TMEM145: variants seen among roughly 807,000 people sequenced by gnomAD.
The protein encoded by TMEM145 is transmembrane protein 145.
Under a neutral mutation model 68.5 loss-of-function variants are expected in TMEM145, and 46 were observed. The observed-to-expected ratio is 0.67, with a 90% CI of 0.53 to 0.86. TMEM145 has a LOEUF of 0.86. Among genes scored for constraint, TMEM145 ranks in the 40% least tolerant of loss-of-function variants. The pLI, the probability that TMEM145 is intolerant of heterozygous loss-of-function variation, is 0.00. For synonymous variants in TMEM145, 255 were observed against 280.2 expected (o/e 0.91, Z 0.90); for missense variants, 570 against 645.8 (o/e 0.88, Z 1.27).
chr19:42,315,753 T>G (rs1407697288), intron 8 of TMEM145, among the ~76,000 whole-genome samples: 1 of 151,466 alleles, frequency 6.6e-6, no homozygotes, highest in South Asian at 2.1e-4. Context: ...GGAACTAGGC[T>G]GGACACGGTG....
Position 42,314,436 on chromosome 19 carries a change from A to G in TMEM145, c.196-15A>G, listed in dbSNP as rs754807784. 1 of 1,613,988 alleles carries G rather than the reference A, an allele frequency of 6.2e-7. No homozygotes were observed. Among genetic ancestry groups the G allele is most frequent in the African/African-American group, 1.3e-5 (1 of 74,890 alleles). On this transcript the variant is annotated splice_polypyrimidine_tract_variant and intron_variant, in intron 2 of 14. Transcript: ENST00000301204. ...GCTGCCCCAGCTCCCGGTCCCCAAC[A>G]TCTCTGGTCTGCAGGCCAAGTGCTG...
chr19:42,316,562 G>A lies in TMEM145; in HGVS notation c.727+1G>A. 6.2e-7 allele frequency: 1 copy of A among 1,613,656 alleles called. No homozygotes were observed. The highest frequency in any genetic ancestry group is 1.3e-5 in the African/African-American group (1 of 74,850). ...GGCAACGAGAGTGTGAAGATCTTGG[G>A]TGAGAATGAAGCTGGGTGGGGAGAG... On this transcript the variant is annotated splice_donor_variant, in intron 9 of 14. Transcript: ENST00000301204. LOFTEE classifies it high-confidence loss of function.
Position 42,315,183 on chromosome 19 carries a change from G to A in TMEM145, c.506-5G>A, listed in dbSNP as rs764545824. 3.7e-6 allele frequency: 6 copies of A among 1,611,360 alleles called. No individual in the cohort carries two copies. The highest frequency in any genetic ancestry group is 1.3e-5 in the African/African-American group (1 of 74,958). On this transcript the variant is annotated splice_region_variant and splice_polypyrimidine_tract_variant and intron_variant, in intron 6 of 14. Coordinates refer to ENST00000301204, the MANE Select transcript of TMEM145 (RefSeq NM_173633.3). Reference sequence around the variant, plus strand: ...TGAACCTTACTCCTCCTACCAAATCGGCAGGGATCCTGGAGACAGATGTGA... The same window carrying A: ...TGAACCTTACTCCTCCTACCAAATCAGCAGGGATCCTGGAGACAGATGTGA...
At chr19:42,321,381 A>T in intron 13 of TMEM145, 1 of 332,646 alleles carries the variant, frequency 3.0e-6, no homozygotes, top group Non-Finnish European at 5.3e-6. Flanking sequence ...ATGCCCGGTT[A>T]AGTGGTTTTT....
At position 42,324,886 on chromosome 19, in the gene TMEM145, AC is replaced by A; in HGVS notation, c.*73del. The A allele has an allele frequency of 7.2e-7, 1 of 1,397,488 alleles. No individual in the cohort carries two copies. The highest frequency in any genetic ancestry group is 9.3e-7 in the Non-Finnish European group (1 of 1,077,026). The allele number at this position is 1,397,488 out of a possible 1,614,324, so 86.6% of individuals were successfully genotyped here. ...GCCTGTGACTCTCCAGGACTCTGCG[AC>A]CCCGGGATGGATATTGCGATGCTGG... On this transcript the variant is annotated 3_prime_UTR_variant, in exon 15 of 15. Coordinates refer to ENST00000301204, the MANE Select transcript of TMEM145 (RefSeq NM_173633.3).
rs773733094 is a variant in TMEM145 at position 42,320,420 on chromosome 19, G to A, written c.1177G>A (p.Ala393Thr). 19 of 1,613,900 alleles carry A rather than the reference G, an allele frequency of 1.2e-5. No individual in the cohort carries two copies. Among genetic ancestry groups the A allele is most frequent in the African/African-American group, 4.0e-5 (3 of 74,912 alleles). The change falls in exon 13 of 15, where the codon GCC becomes ACC. Residue 393 changes from alanine to threonine, a missense_variant. Ala to Thr is a moderately conservative substitution (Grantham distance 58). Transcript: ENST00000301204. Reference sequence around the variant, plus strand: ...CATCCAGCTGGGGATCCACTTGTACGCCCATGGCGTGTTTCTGGTGAGGAT... The same window carrying A: ...CATCCAGCTGGGGATCCACTTGTACACCCATGGCGTGTTTCTGGTGAGGAT... ...NGIQLGIHLY[A>T]HGVFLIMTRP... is the part of the protein sequence containing the mutation.
rs754410241 is a variant in TMEM145, at chr19:42,323,636, G to C, written c.1248G>C (p.Thr416=). 2 of 1,614,054 alleles carry C rather than the reference G, an allele frequency of 1.2e-6. No homozygotes were observed. Reference sequence around the variant, plus strand: ...AGAACTTCCCGTACCACGTGCGCACGTCGCAGATCGCTTCAGCCGGAGTCC... The same window carrying C: ...AGAACTTCCCGTACCACGTGCGCACCTCGCAGATCGCTTCAGCCGGAGTCC... ...ANKNFPYHVR[T]SQIASAGVPG... is the part of the protein sequence containing the mutation. The change falls in exon 14 of 15, where the codon ACG becomes ACC. Residue 416 remains threonine (T), a synonymous_variant. Transcript: ENST00000301204.
Position 42,314,871 on chromosome 19 carries a change from A to G in TMEM145, c.420+20A>G. On this transcript the variant is annotated intron_variant, in intron 5 of 14. Transcript: ENST00000301204. The stretch of plus-strand genomic sequence containing the variant: ...CGCTCAGTGCGTGAACGGTGGTGGT[A>G]TATTGCGCTCAGCAAGTGTGGGGTA... 2 of 1,614,162 alleles carry G rather than the reference A, an allele frequency of 1.2e-6. No homozygotes were observed. The highest frequency in any genetic ancestry group is 1.7e-6 in the Non-Finnish European group (2 of 1,180,016).
intron 8 of TMEM145, 23 bp from the exon 9 acceptor site, chr19:42,316,458 T>C: frequency 6.2e-7 from 1 of 1,611,580 alleles, no homozygotes; most frequent in South Asian, 1.1e-5. Flanking sequence ...CTATCCTTTC[T>C]TATCTGCCCA....
chr19:42,323,843 C>A, intron 14 of TMEM145, 54 bp downstream of exon 14: 2 of 1,533,222 alleles, frequency 1.3e-6, no homozygotes, highest in Non-Finnish European at 1.8e-6. Flanking sequence ...CCCTGGAGTA[C>A]CTGACCCCGC....
chr19:42,315,110 C>A (rs746621638), intron 6 of TMEM145, 33 bp downstream of exon 6: 2 of 1,614,204 alleles, frequency 1.2e-6, no homozygotes, highest in Non-Finnish European at 1.7e-6. Flanking sequence ...ACCAGGCTCT[C>A]TGTGGGACAC....
rs2038820862 is a variant in TMEM145, at chr19:42,313,359, G to C, written c.-18G>C. 1.9e-5 allele frequency: 20 copies of C among 1,046,648 alleles called. No individual in the cohort carries two copies. The highest frequency in any genetic ancestry group is 4.3e-5 in the Admixed American group (1 of 23,150). 64.8% of individuals were successfully genotyped at this position (1,046,648 alleles called of 1,614,324 possible). ...CCAGTGCGGGAGCCGGAGCGGAGCCGGGGCCGGAGCGGGCGGAATGGAGCC... is the reference window on the plus strand; with the variant it reads ...CCAGTGCGGGAGCCGGAGCGGAGCCCGGGCCGGAGCGGGCGGAATGGAGCC... On this transcript the variant is annotated 5_prime_UTR_variant, in exon 1 of 15. Transcript: ENST00000301204. This position sits in a 1 kb window ranked among gnomAD's most constrained non-coding sequence, Gnocchi z 5.1.
rs143795185 is a variant in TMEM145 at position 42,316,714 on chromosome 19, C to G, written c.780C>G (p.Leu260=). ...SFLIFLLMLI[L]LGKGFTVTRG... is the part of the protein sequence containing the mutation. ...TCATCTTCCTGCTGATGCTTATCCT[C>G]CTGGGGAAGGGATTCACGGTGACAC... The change falls in exon 10 of 15, where the codon CTC becomes CTG. Residue 260 remains leucine, a synonymous_variant. Transcript: ENST00000301204. 1 of 1,613,770 alleles carries G rather than the reference C, an allele frequency of 6.2e-7. No homozygotes were observed. The highest frequency in any genetic ancestry group is 8.5e-7 in the Non-Finnish European group (1 of 1,180,006).
rs756812899 is a variant in TMEM145 at position 42,320,434 on chromosome 19, TC to T, written c.1192del (p.Leu398Ter). The T allele has an allele frequency of 6.2e-7, 1 of 1,613,914 alleles. No individual in the cohort carries two copies. Among genetic ancestry groups the T allele is most frequent in the Non-Finnish European group, 8.5e-7 (1 of 1,180,020 alleles). On this transcript the variant is annotated frameshift_variant and splice_region_variant, in exon 13 of 15. Transcript: ENST00000301204. LOFTEE classifies it high-confidence loss of function. ...GIHLYAHGVFLIMTRPSAANK... is the reference protein window; with the variant it reads ...GIHLYAHGVFXIMTRPSAANK... Reference sequence around the variant, plus strand: ...TCCACTTGTACGCCCATGGCGTGTTTCTGGTGAGGATGGGCATCTGTGGGGG... The same window carrying T: ...TCCACTTGTACGCCCATGGCGTGTTTTGGTGAGGATGGGCATCTGTGGGGG...
intron 13 of TMEM145, chr19:42,321,757 TC>T (rs2038914653): frequency 6.6e-6 from 1 of 152,150 alleles, no homozygotes; most frequent in South Asian, 2.1e-4. Flanking sequence ...GTTCTAATAT[TC>T]ATTAATTTAT....
At chr19:42,324,242 G>T (rs1336755551) in intron 14 of TMEM145, 6 of 984,260 alleles carry the variant, frequency 6.1e-6, no homozygotes, top group Non-Finnish European at 7.2e-6. Context: ...CCCCCCGAGG[G>T]TCCCGGACGG....
At position 42,316,972 on chromosome 19, in the gene TMEM145, G is replaced by A. The variant is rs374181064; in HGVS notation, c.900+9G>A. On this transcript the variant is annotated intron_variant, in intron 11 of 14. Coordinates refer to ENST00000301204, the MANE Select transcript of TMEM145 (RefSeq NM_173633.3). ...TCATCTACGAGGCGGAAGTGAGTCC[G>A]ACTGGCCCCTGGCCGGGCCCTGCCT... 106 of 1,611,818 alleles carry A rather than the reference G, an allele frequency of 6.6e-5. 1 individual carries two copies. Among genetic ancestry groups the A allele is most frequent in the African/African-American group, 3.1e-4 (23 of 74,990 alleles).
Position 42,315,441 on chromosome 19 carries a change from G to T in TMEM145, c.646+1G>T. 1 of 1,614,124 alleles carries T rather than the reference G, an allele frequency of 6.2e-7. No individual in the cohort carries two copies. Among genetic ancestry groups the T allele is most frequent in the Non-Finnish European group, 8.5e-7 (1 of 1,180,012 alleles). ...TTCATGGCCGCAGCAGGAGTAGAGG[G>T]TGAGGTTCCGTGTCCCAACTTTTGG... On this transcript the variant is annotated splice_donor_variant, in intron 8 of 14. Transcript: ENST00000301204. LOFTEE classifies it high-confidence loss of function.
In TMEM145 at chr19:42,323,588, G is replaced by T; in HGVS notation, c.1200G>T (p.Met400Ile). The T allele has an allele frequency of 6.2e-7, 1 of 1,613,852 alleles. No individual in the cohort carries two copies. Among genetic ancestry groups the T allele is most frequent in the Non-Finnish European group, 8.5e-7 (1 of 1,179,964 alleles). ...HLYAHGVFLI[M>I]TRPSAANKNF... ...GCTCCTGGCCCTGGCCTCAGATCAT[G>T]ACCCGCCCATCAGCGGCCAACAAGA... Residue 400 changes from methionine to isoleucine, a missense_variant, in exon 14 of 15, where the codon ATG (methionine) becomes ATT (isoleucine). Transcript: ENST00000301204.
Sources: gnomAD v4.1 joint callset for allele counts (sites outside exome capture counted in the v4.1 genomes callset) on GRCh38, gnomAD v4.1.1 for gene constraint, Gnocchi (gnomAD v3.1) non-coding constraint, MANE v1.5 for transcripts, NCBI Gene and HGNC (gene_info 2026-07-23, HGNC 2026-07-21) for gene names.